The following CA8 variants were observed in gnomAD, a reference collection of about 807,000 sequenced individuals.
CA8 encodes carbonic anhydrase-related protein.
A neutral mutation model predicts 41.4 loss-of-function variants in CA8; 22 were observed. The observed-to-expected ratio is 0.53, with a 90% CI of 0.38 to 0.76. The LOEUF (loss-of-function observed/expected upper bound fraction) is 0.76, where lower values mean the gene tolerates loss of function less well. CA8 is among the 30% of genes least tolerant of loss of function. CA8 has a pLI of 0.00. For synonymous variants in CA8, 121 were observed against 130.6 expected (o/e 0.93, Z 0.50); for missense variants, 270 against 352.8 (o/e 0.77, Z 1.88).
rs988044593 is a variant in CA8 at position 60,279,582 on chromosome 8, G to A, written c.292+107C>T. On this transcript the variant is annotated intron_variant, in intron 2 of 8. Coordinates refer to ENST00000317995, the MANE Select transcript of CA8 (RefSeq NM_004056.6). ...ATAATACAAAGGTATCCTGAAAATA[G>A]AGATACGTCAGTTGTACTTTTTAAA... is the stretch of plus-strand genomic sequence containing the variant. 26 of 945,920 alleles carry A rather than the reference G, an allele frequency of 2.7e-5. No homozygotes were observed. In the African/African-American group the frequency reaches 2.8e-4, roughly 10 times the overall value. 58.6% of individuals were successfully genotyped at this position (945,920 alleles called of 1,614,324 possible).
intron 4 of CA8, 148 bp from the exon 5 acceptor site, chr8:60,227,083 A>C: frequency 1.4e-6 from 1 of 701,322 alleles, no homozygotes; most frequent in South Asian, 1.5e-5. Flanking sequence ...CAAGGTTAGG[A>C]GATCGAGGCC....
chr8:60,191,522 T>A (rs1435743713), intron 8 of CA8, among the ~76,000 whole-genome samples: 1 of 152,112 alleles, frequency 6.6e-6, no homozygotes, highest in African/African-American at 2.4e-5. Context: ...ATATGGTTCT[T>A]TAATTCAAAG....
At chr8:60,216,774 T>C (rs754456338) in intron 7 of CA8, among the ~76,000 whole-genome samples, 1 of 152,196 alleles carries the variant, frequency 6.6e-6, no homozygotes, top group Non-Finnish European at 1.5e-5. Flanking sequence ...AGCATTAACA[T>C]TGTGAATGCT....
In CA8 at chr8:60,281,352, G is replaced by C. The variant is rs971501920; in HGVS notation, c.-205C>G. On this transcript the variant is annotated 5_prime_UTR_variant, in exon 1 of 9. Transcript: ENST00000317995. Reference sequence around the variant, plus strand: ...GACCGAGTGTTCCAGAGACCCGCGTGGGAAGCGCGTCCGGAGGCCCCAGCA... The same window carrying C: ...GACCGAGTGTTCCAGAGACCCGCGTCGGAAGCGCGTCCGGAGGCCCCAGCA... 64 of 575,196 alleles carry C rather than the reference G, an allele frequency of 1.1e-4. No individual in the cohort carries two copies. Among genetic ancestry groups the C allele is most frequent in the Non-Finnish European group, 1.9e-4 (60 of 323,096 alleles). 35.6% of individuals were successfully genotyped at this position (575,196 alleles called of 1,614,324 possible).
At chr8:60,211,411 T>G (rs1294579645) in intron 7 of CA8, among the ~76,000 whole-genome samples, 1 of 152,238 alleles carries the variant, frequency 6.6e-6, no homozygotes, top group Non-Finnish European at 1.5e-5. Context: ...TAATCATACT[T>G]AATACCTGCA....
chr8:60,216,317 C>T (rs530516590), intron 7 of CA8, among the ~76,000 whole-genome samples: 2 of 137,558 alleles, frequency 1.5e-5, no homozygotes, highest in South Asian at 4.5e-4. Flanking sequence ...TTTTCTAAAT[C>T]ACTCTAAATT....
At chr8:60,194,442 C>G (rs529947122) in intron 8 of CA8, among the ~76,000 whole-genome samples, 1 of 152,252 alleles carries the variant, frequency 6.6e-6, no homozygotes, top group South Asian at 2.1e-4. Context: ...ATACTTCCAG[C>G]TTCATCTGGA....
chr8:60,242,438 C>CT (rs1409947609), intron 3 of CA8, among the ~76,000 whole-genome samples: 1 of 152,200 alleles, frequency 6.6e-6, no homozygotes, highest in Non-Finnish European at 1.5e-5. Flanking sequence ...GAGTATGGCT[C>CT]TACCACCTAT....
intron 8 of CA8, among the ~76,000 whole-genome samples, chr8:60,194,767 G>C (rs1806231814): frequency 6.6e-6 from 1 of 152,056 alleles, no homozygotes; most frequent in Admixed American, 6.6e-5. Context: ...TGCTAAATCT[G>C]TTACAAGACC....
chr8:60,241,974 G>A (rs745711964), intron 3 of CA8, among the ~76,000 whole-genome samples: 4 of 152,314 alleles, frequency 2.6e-5, no homozygotes, highest in Non-Finnish European at 5.9e-5. Flanking sequence ...CCACGATGAT[G>A]AAAGAGTTCT....
intron 3 of CA8, chr8:60,265,370 A>G (rs1440397984): frequency 6.3e-6 from 1 of 157,822 alleles, no homozygotes; most frequent in Non-Finnish European, 1.4e-5. Context: ...AGTCCCACAG[A>G]AGACATAAGA....
chr8:60,247,511 T>C (rs565456432), intron 3 of CA8, among the ~76,000 whole-genome samples: 18 of 152,308 alleles, frequency 1.2e-4, no homozygotes, highest in Non-Finnish European at 2.2e-4. Context: ...CAGTGTTTGG[T>C]TTTCTGTTCC....
intron 5 of CA8, 146 bp downstream of exon 5, chr8:60,226,727 T>A: frequency 1.6e-6 from 1 of 637,986 alleles, no homozygotes; most frequent in Non-Finnish European, 2.9e-6. Context: ...TTGACCTATT[T>A]CTTTTCACTG....
At chr8:60,197,425 TG>T (rs1201547896) in intron 8 of CA8, among the ~76,000 whole-genome samples, 1 of 151,732 alleles carries the variant, frequency 6.6e-6, no homozygotes, top group Non-Finnish European at 1.5e-5. Context: ...ATCCTTACAC[TG>T]TGGACAAAAA....
intron 8 of CA8, among the ~76,000 whole-genome samples, chr8:60,198,124 GAA>G (rs1406632024): frequency 6.6e-6 from 1 of 152,168 alleles, no homozygotes; most frequent in African/African-American, 2.4e-5. Context: ...GTGGTGTCGT[GAA>G]AAGAGCTCAG....
At chr8:60,277,356 C>T (rs1183657943) in intron 2 of CA8, among the ~76,000 whole-genome samples, 1 of 151,322 alleles carries the variant, frequency 6.6e-6, no homozygotes, top group African/African-American at 2.4e-5. Flanking sequence ...GAGTATTATT[C>T]ACCTTTTTTT....
chr8:60,238,324 C>G (rs56227154), intron 3 of CA8, among the ~76,000 whole-genome samples: 49,980 of 151,978 alleles, frequency 0.33, 8,521 homozygotes, highest in Non-Finnish European at 0.39. Context: ...TCATGAGGAA[C>G]GGAAAAAGTA....
intron 3 of CA8, 133 bp downstream of exon 3, chr8:60,265,792 T>C: frequency 9.9e-7 from 1 of 1,013,744 alleles, no homozygotes; most frequent in Admixed American, 2.1e-5. Context: ...GCATTAAGCA[T>C]TTTTTAAATT....
rs117632519 is a variant in CA8 at position 60,264,159 on chromosome 8, G to A, written c.417+1766C>T. On this transcript the variant is annotated intron_variant, in intron 3 of 8. Transcript: ENST00000317995. Reference sequence around the variant, plus strand: ...CCAGACCAGTCTGGACATTCGGTCCGGAAATGCTATCTCAGTACAGAGCAA... The same window carrying A: ...CCAGACCAGTCTGGACATTCGGTCCAGAAATGCTATCTCAGTACAGAGCAA... Among the ~76,000 whole-genome samples the A allele has an allele frequency of 6.4e-3, 977 of 152,278 alleles. 28 individuals are homozygous for A. Among genetic ancestry groups the A allele is most frequent in the East Asian group, 0.041 (210 of 5,168 alleles).
Sources: allele counts gnomAD v4.1 joint callset (sites outside exome capture counted in the v4.1 genomes callset), GRCh38; gene constraint gnomAD v4.1.1; transcripts MANE v1.5; gene names NCBI Gene and HGNC (gene_info 2026-07-23, HGNC 2026-07-21).